The following MIOS variants were observed in gnomAD, a reference collection of about 807,000 sequenced individuals.
The protein encoded by MIOS is meiosis regulator for oocyte development.
A neutral mutation model predicts 96.9 loss-of-function variants in MIOS; 52 were observed. That is an observed-to-expected ratio of 0.54 (90% CI 0.43 to 0.68). The LOEUF (loss-of-function observed/expected upper bound fraction) is 0.68, where lower values mean the gene tolerates loss of function less well. MIOS is among the 30% of genes least tolerant of loss of function. The pLI, the probability that MIOS is intolerant of heterozygous loss-of-function variation, is 0.00. For synonymous variants in MIOS, 397 were observed against 359.5 expected (o/e 1.10, Z -1.18); for missense variants, 1,005 against 1,052.8 (o/e 0.95, Z 0.63).
chr7:7,592,621 G>A (rs1784080917), intron 9 of MIOS, among the ~76,000 whole-genome samples: 1 of 151,966 alleles, frequency 6.6e-6, no homozygotes. Context: ...CCCATCTGGG[G>A]ATGATGGGAG....
chr7:7,597,880 G>C (rs959409128), intron 11 of MIOS, among the ~76,000 whole-genome samples: 27 of 151,902 alleles, frequency 1.8e-4, no homozygotes, highest in Non-Finnish European at 5.9e-5. Flanking sequence ...GCCCTGGCTG[G>C]TCTTGAACTC....
At chr7:7,578,566 A>C (rs940969166) in intron 5 of MIOS, among the ~76,000 whole-genome samples, 6 of 152,176 alleles carry the variant, frequency 3.9e-5, no homozygotes, top group Non-Finnish European at 8.8e-5. Context: ...ATGCAAAATG[A>C]CTTCAAGGGG....
chr7:7,570,428 G>T (rs1458184843), intron 3 of MIOS, among the ~76,000 whole-genome samples: 2 of 151,932 alleles, frequency 1.3e-5, no homozygotes, highest in African/African-American at 4.8e-5. Flanking sequence ...AACCTTTTTG[G>T]CACCAGGGAC....
At chr7:7,570,861 G>C (rs888812247) in intron 3 of MIOS, among the ~76,000 whole-genome samples, 2 of 152,186 alleles carry the variant, frequency 1.3e-5, no homozygotes, top group African/African-American at 4.8e-5. Flanking sequence ...ACCTCCTGCT[G>C]TGTGGCCTGG....
At chr7:7,587,702 C>T (rs1044702507) in intron 7 of MIOS, among the ~76,000 whole-genome samples, 1 of 151,886 alleles carries the variant, frequency 6.6e-6, no homozygotes, top group Non-Finnish European at 1.5e-5. Flanking sequence ...CTCTTTAGGG[C>T]AAAACCATAT....
intron 9 of MIOS, among the ~76,000 whole-genome samples, chr7:7,592,238 C>G (rs1478019700): frequency 6.6e-6 from 1 of 152,236 alleles, no homozygotes; most frequent in Admixed American, 6.5e-5. Flanking sequence ...ATCTGCCCGC[C>G]TCGGCCTCCC....
chr7:7,571,951 A>C (rs969799476), intron 3 of MIOS, among the ~76,000 whole-genome samples: 1 of 152,236 alleles, frequency 6.6e-6, no homozygotes, highest in African/African-American at 2.4e-5. Context: ...TCTAGTGCTC[A>C]GTAGCTACAT....
intron 3 of MIOS, among the ~76,000 whole-genome samples, chr7:7,569,974 G>A (rs1414734868): frequency 1.3e-5 from 2 of 152,202 alleles, no homozygotes; most frequent in Non-Finnish European, 2.9e-5. Context: ...AAAGCATTTA[G>A]GGTTTTGTAG....
intron 11 of MIOS, among the ~76,000 whole-genome samples, chr7:7,604,779 A>G (rs1784478603): frequency 6.6e-6 from 1 of 152,222 alleles, no homozygotes; most frequent in South Asian, 2.1e-4. Context: ...ATATAAGGAT[A>G]TGCCTTGTTC....
At chr7:7,593,329 A>G (rs2115451140) in intron 9 of MIOS, among the ~76,000 whole-genome samples, 1 of 152,302 alleles carries the variant, frequency 6.6e-6, no homozygotes, top group East Asian at 1.9e-4. Flanking sequence ...TTAACACTGA[A>G]TTTAATAGAT....
At chr7:7,599,299 T>TG (rs1193561595) in intron 11 of MIOS, among the ~76,000 whole-genome samples, 1 of 152,234 alleles carries the variant, frequency 6.6e-6, no homozygotes, top group South Asian at 2.1e-4. Context: ...CGAGTTTGAT[T>TG]ACAGGGTGCT....
rs1004397177 is a variant in MIOS, at chr7:7,607,276, T to G, written c.*184T>G. 2 of 498,064 alleles carry G rather than the reference T, an allele frequency of 4.0e-6. No individual in the cohort carries two copies. Among genetic ancestry groups the G allele is most frequent in the African/African-American group, 2.0e-5 (1 of 50,192 alleles). 30.9% of individuals were successfully genotyped at this position (498,064 alleles called of 1,614,324 possible). ...TGATATGCTTCACAGAGACAAATGC[T>G]GCCAAAATAAACATCGAAGTATAGA... On this transcript the variant is annotated 3_prime_UTR_variant, in exon 13 of 13. Coordinates refer to ENST00000340080, the MANE Select transcript of MIOS (RefSeq NM_019005.4).
At chr7:7,596,195 A>C in intron 10 of MIOS, 62 bp from the exon 11 acceptor site, 1 of 1,420,442 alleles carries the variant, frequency 7.0e-7, no homozygotes. Flanking sequence ...GCGCACACTA[A>C]GTTATTTAGC....
At chr7:7,589,657 G>T in intron 9 of MIOS, 94 bp downstream of exon 9, 1 of 1,388,696 alleles carries the variant, frequency 7.2e-7, no homozygotes, top group African/African-American at 1.4e-5. Flanking sequence ...TGCTTGCTTA[G>T]GATCTTTAGA....
chr7:7,607,081 G>C lies in MIOS; in HGVS notation c.2617G>C (p.Val873Leu). 6.2e-7 allele frequency: 1 copy of C among 1,610,492 alleles called. No homozygotes were observed. The highest frequency in any genetic ancestry group is 8.5e-7 in the Non-Finnish European group (1 of 1,178,588). Residue 873 changes from valine (V) to leucine (L), a missense_variant, in exon 13 of 13, where the codon GTC becomes CTC. By Grantham distance (32) the Val-to-Leu change is conservative. Around this residue, in one of 3 missense-constraint regions of MIOS, gnomAD observed 865 missense variants for 887.9 expected, o/e 0.97. Coordinates refer to ENST00000340080, the MANE Select transcript of MIOS (RefSeq NM_019005.4). ...AGGGAATCTGGTACCTGCAGAGACT[G>C]TCCAGCCATAAAATGTTACCACCTT... ...TTGNLVPAET[V>L]QP
intron 9 of MIOS, among the ~76,000 whole-genome samples, chr7:7,592,835 C>T (rs1784088239): frequency 6.6e-6 from 1 of 152,174 alleles, no homozygotes; most frequent in South Asian, 2.1e-4. Flanking sequence ...CCCTGTCACT[C>T]ACCTCCTGCT....
At chr7:7,591,023 T>C (rs181305433) in intron 9 of MIOS, among the ~76,000 whole-genome samples, 21 of 152,352 alleles carry the variant, frequency 1.4e-4, no homozygotes, top group Admixed American at 2.6e-4. Flanking sequence ...TTGTCTTTTA[T>C]GTAAATTATG....
At chr7:7,581,783 ATC>A (rs1274675563) in intron 5 of MIOS, 1 of 152,128 alleles carries the variant, frequency 6.6e-6, no homozygotes, top group East Asian at 1.9e-4. Context: ...TCAGCAGGAG[ATC>A]TGTCTCCTGC....
chr7:7,601,852 C>A (rs1784388326), intron 11 of MIOS, among the ~76,000 whole-genome samples: 2 of 152,190 alleles, frequency 1.3e-5, no homozygotes, highest in African/African-American at 4.8e-5. Flanking sequence ...AATCCAGCAA[C>A]ACATCAAAAA....
Sources: gnomAD v4.1 joint callset for allele counts (sites outside exome capture counted in the v4.1 genomes callset) on GRCh38, gnomAD v4.1.1 for gene constraint, gnomAD v4.1.1 regional missense constraint, MANE v1.5 for transcripts, NCBI Gene and HGNC (gene_info 2026-07-23, HGNC 2026-07-21) for gene names.